The following SCML4 variants were observed in gnomAD, a reference collection of about 807,000 sequenced individuals.
SCML4 encodes the protein sex comb on midleg-like protein 4.
Under a neutral mutation model 41.1 loss-of-function variants are expected in SCML4, and 34 were observed. That is an observed-to-expected ratio of 0.83 (90% CI 0.63 to 1.10). The LOEUF (loss-of-function observed/expected upper bound fraction) is 1.10, where lower values mean the gene tolerates loss of function less well. SCML4 is among the 50% of genes least tolerant of loss of function. The pLI is 0.00. For missense variants in SCML4, 522 were observed against 534.1 expected (o/e 0.98, Z 0.22); for synonymous variants, 214 against 220.9 (o/e 0.97, Z 0.28).
rs930969133 is a variant in SCML4, at chr6:107,802,618, GGAAGGAAGGAAGGAAGGAAA to G, written c.-60+21488_-60+21507del. On this transcript the variant is annotated intron_variant, in intron 1 of 7. Transcript: ENST00000369020. The stretch of plus-strand genomic sequence containing the variant: ...AGGAAGGAAGGAAGGAAGGAAGGAA[GGAAGGAAGGAAGGAAGGAAA>G]GAAAATTGGAAAGGCTCCTCCTCTC... Among the ~76,000 whole-genome samples the G allele has an allele frequency of 1.4e-3, 203 of 142,974 alleles. 3 individuals are homozygous for G. The highest frequency in any genetic ancestry group is 5.2e-3 in the African/African-American group (195 of 37,704). 93.8% of individuals were successfully genotyped at this position (142,974 alleles called of 152,430 possible).
the SCML4 span, among the ~76,000 whole-genome samples, chr6:107,838,359 C>T: frequency 6.6e-6 from 1 of 152,204 alleles, no homozygotes; most frequent in South Asian, 2.1e-4. Context: ...CAGAAAACAC[C>T]AGGGATTGCA....
chr6:107,772,872 C>A (rs1164649467), intron 1 of SCML4, among the ~76,000 whole-genome samples: 1 of 152,134 alleles, frequency 6.6e-6, no homozygotes, highest in Non-Finnish European at 1.5e-5. Context: ...TTGATCAAAT[C>A]AATTGTATGA....
At chr6:107,838,997 T>C in the SCML4 span, among the ~76,000 whole-genome samples, 3 of 152,210 alleles carry the variant, frequency 2.0e-5, no homozygotes, top group Admixed American at 6.5e-5. Flanking sequence ...TATATGCTGG[T>C]TAGCTGAAAT....
chr6:107,839,356 A>G, the SCML4 span, among the ~76,000 whole-genome samples: 7 of 88,208 alleles, frequency 7.9e-5, no homozygotes, highest in African/African-American at 2.7e-4. Context: ...AAAGAAAGAA[A>G]GAAAGAAAGA....
At chr6:107,840,706 G>A in the SCML4 span, among the ~76,000 whole-genome samples, 1 of 152,214 alleles carries the variant, frequency 6.6e-6, no homozygotes, top group Non-Finnish European at 1.5e-5. Context: ...GAAATGTGAT[G>A]AGGGGGAGAG....
intron 2 of SCML4, among the ~76,000 whole-genome samples, chr6:107,764,707 T>C (rs1779891024): frequency 6.6e-6 from 1 of 152,226 alleles, no homozygotes; most frequent in Non-Finnish European, 1.5e-5. Flanking sequence ...ATGGTTTCAC[T>C]GTGTCCCCAC....
At chr6:107,745,970 G>A (rs1308220537) in intron 4 of SCML4, 1 of 151,888 alleles carries the variant, frequency 6.6e-6, no homozygotes, top group East Asian at 1.9e-4. Context: ...TCTAGCCTAG[G>A]CGACAGAGTG....
rs1401928218 is a variant in SCML4 at position 107,702,347 on chromosome 6, C to T, written c.*2853G>A. On this transcript the variant is annotated 3_prime_UTR_variant, in exon 8 of 8. Coordinates refer to ENST00000369020, the MANE Select transcript of SCML4 (RefSeq NM_198081.5). ...ACTTGAAATGAGAACATATCTCTCG[C>T]CTGAAAACTACTCAAGGGATCTCTT... is the stretch of plus-strand genomic sequence containing the variant. 6.6e-6 allele frequency among the ~76,000 whole-genome samples: 1 copy of T among 152,134 alleles called. No individual in the cohort carries two copies. The highest frequency in any genetic ancestry group is 1.5e-5 in the Non-Finnish European group (1 of 68,032).
chr6:107,826,035 G>C (rs949606953), upstream of SCML4, among the ~76,000 whole-genome samples: 4 of 151,250 alleles, frequency 2.6e-5, no homozygotes, highest in Non-Finnish European at 5.9e-5. Context: ...CTTGAGGTTA[G>C]GAGTTCGAGA....
chr6:107,757,021 C>T (rs1012283300), intron 2 of SCML4, among the ~76,000 whole-genome samples: 4 of 152,224 alleles, frequency 2.6e-5, no homozygotes, highest in Non-Finnish European at 4.4e-5. Flanking sequence ...GACCCCTCAT[C>T]CAAGGCAAGG....
Position 107,724,881 on chromosome 6 carries a change from A to C in SCML4, c.683-3888T>G, listed in dbSNP as rs571357880. On this transcript the variant is annotated intron_variant, in intron 5 of 7. Coordinates refer to ENST00000369020, the MANE Select transcript of SCML4 (RefSeq NM_198081.5). ...CACTTCCTGATTCCAAATTTAGTAC[A>C]AAGCAACAATAATCAAGACAATGTG... 2.6e-5 allele frequency among the ~76,000 whole-genome samples: 4 copies of C among 152,374 alleles called. No individual in the cohort carries two copies. In the East Asian group the frequency reaches 7.7e-4, roughly 29 times the overall value.
intron 1 of SCML4, among the ~76,000 whole-genome samples, chr6:107,801,890 G>A (rs562690511): frequency 1.1e-4 from 16 of 151,458 alleles, no homozygotes; most frequent in Admixed American, 8.6e-4. Flanking sequence ...TCAGCCTCCC[G>A]AGTAGCTGGG....
intron 1 of SCML4, among the ~76,000 whole-genome samples, chr6:107,819,928 G>A (rs1290714397): frequency 6.6e-6 from 1 of 152,154 alleles, no homozygotes; most frequent in African/African-American, 2.4e-5. Context: ...ACTGCCACTG[G>A]GTAATAAATT....
At position 107,738,539 on chromosome 6, in the gene SCML4, C is replaced by T. The variant is rs575623921; in HGVS notation, c.682+6410G>A. Among the ~76,000 whole-genome samples, 7 of 151,604 alleles carry T rather than the reference C, an allele frequency of 4.6e-5. No homozygotes were observed. In the South Asian group the frequency reaches 1.0e-3, roughly 23 times the overall value. ...GGGAGGCTGAGGCTGGAGAATTGCT[C>T]GAATCCAGGAGGTGGAGGTCGCAGT... On this transcript the variant is annotated intron_variant, in intron 5 of 7. Coordinates refer to ENST00000369020, the MANE Select transcript of SCML4 (RefSeq NM_198081.5).
chr6:107,737,227 C>T lies in SCML4; in HGVS notation c.682+7722G>A, dbSNP rs868425675. On this transcript the variant is annotated intron_variant, in intron 5 of 7. Transcript: ENST00000369020. Reference sequence around the variant, plus strand: ...AAGCAGAATCAAATGCCATTGTGGACGTGGAAATAAGGATCTGGGGAGAAC... The same window carrying T: ...AAGCAGAATCAAATGCCATTGTGGATGTGGAAATAAGGATCTGGGGAGAAC... Among the ~76,000 whole-genome samples the T allele has an allele frequency of 1.3e-5, 2 of 152,114 alleles. 1 individual carries two copies. The highest frequency in any genetic ancestry group is 4.1e-4 in the South Asian group (2 of 4,834).
chr6:107,749,871 C>T lies in SCML4; in HGVS notation c.157-58G>A, dbSNP rs113350523. ...TCTGGCAATTCTCTCTACACTCTTC[C>T]AGATTCTGTCCTAGACGGCAGTTAA... On this transcript the variant is annotated intron_variant, in intron 2 of 7. Coordinates refer to ENST00000369020, the MANE Select transcript of SCML4 (RefSeq NM_198081.5). 2.4e-4 allele frequency: 382 copies of T among 1,583,216 alleles called. 3 individuals are homozygous for T. The African/African-American group carries it at 4.6e-3, about 19-fold the overall frequency.
chr6:107,809,389 G>A (rs77084459), intron 1 of SCML4, among the ~76,000 whole-genome samples: 1,694 of 152,320 alleles, frequency 0.011, 38 homozygotes, highest in African/African-American at 0.038. Flanking sequence ...TTGGTGCAAC[G>A]TATGAAGCGG....
intron 1 of SCML4, among the ~76,000 whole-genome samples, chr6:107,778,553 A>G (rs1326348958): frequency 2.0e-5 from 3 of 152,112 alleles, no homozygotes; most frequent in African/African-American, 7.2e-5. Context: ...CTTCTTATCA[A>G]GCCAAGACTT....
chr6:107,747,441 T>C (rs1778238937), intron 3 of SCML4, among the ~76,000 whole-genome samples: 4 of 152,156 alleles, frequency 2.6e-5, no homozygotes, highest in Admixed American at 2.6e-4. Context: ...GTCAATGGTT[T>C]CCACACTTTT....
Sources: allele counts gnomAD v4.1 joint callset (sites outside exome capture counted in the v4.1 genomes callset), GRCh38; gene constraint gnomAD v4.1.1; transcripts MANE v1.5; gene names NCBI Gene and HGNC (gene_info 2026-07-23, HGNC 2026-07-21).